Variants in BACH2 observed in about 807,000 individuals in gnomAD.
The protein encoded by BACH2 is transcription regulator protein BACH2.
A neutral mutation model predicts 61.8 loss-of-function variants in BACH2; 5 were observed. That is an observed-to-expected ratio of 0.08 (90% CI 0.04 to 0.17). The LOEUF (loss-of-function observed/expected upper bound fraction) is 0.17. Among genes scored for constraint, BACH2 ranks in the 10% least tolerant of loss-of-function variants. The probability of loss-of-function intolerance (pLI) is 1.00; values close to 1 mark genes in which losing one functional copy is unlikely to be tolerated. For synonymous variants in BACH2, 446 were observed against 440.1 expected (o/e 1.01, Z -0.17); for missense variants, 824 against 1,091.1 (o/e 0.76, Z 3.45).
chr6:90,288,815 C>A (rs1039457765), intron 1 of BACH2, among the ~76,000 whole-genome samples: 1 of 152,106 alleles, frequency 6.6e-6, no homozygotes, highest in East Asian at 1.9e-4. Flanking sequence ...TACTCTACCT[C>A]TTACAGGTAT....
Position 89,950,549 on chromosome 6 carries a change from A to AGTCCTG in BACH2, c.1551_1556dup (p.Arg518_Thr519dup). ...AGGAATAGGAAGAGCAGGAGCTGGA[A>AGTCCTG]GTCCTGGTCCTGGTCTCCAAGGGGG... On this transcript the variant is annotated inframe_insertion, in exon 7 of 9. Transcript: ENST00000257749. The surrounding 1 kb of genome is among the most constrained non-coding windows in gnomAD (Gnocchi z 5.3). The AGTCCTG allele has an allele frequency of 6.2e-7, 1 of 1,611,450 alleles. No homozygotes were observed.
At chr6:90,262,550 T>C (rs1037978940) in intron 2 of BACH2, among the ~76,000 whole-genome samples, 3 of 152,150 alleles carry the variant, frequency 2.0e-5, no homozygotes, top group African/African-American at 7.2e-5. Flanking sequence ...GTTTACTGAC[T>C]GAAAGAATGA....
intron 5 of BACH2, among the ~76,000 whole-genome samples, chr6:90,064,368 G>C (rs1780836261): frequency 6.6e-6 from 1 of 152,214 alleles, no homozygotes; most frequent in Non-Finnish European, 1.5e-5. Context: ...AAGGACAAGT[G>C]AGGCATGGAC....
intron 5 of BACH2, among the ~76,000 whole-genome samples, chr6:90,071,990 G>A (rs147519477): frequency 6.6e-6 from 1 of 152,120 alleles, no homozygotes; most frequent in African/African-American, 2.4e-5. Flanking sequence ...TGTCTCAGGG[G>A]TGGCAGAGGC....
intron 6 of BACH2, among the ~76,000 whole-genome samples, chr6:89,984,580 A>G (rs962705022): frequency 1.1e-4 from 16 of 152,136 alleles, no homozygotes; most frequent in Non-Finnish European, 1.6e-4. Flanking sequence ...CTGAACCCTA[A>G]AAGCCTATTC....
At chr6:90,044,537 C>T (rs551072406) in intron 5 of BACH2, among the ~76,000 whole-genome samples, 2 of 152,316 alleles carry the variant, frequency 1.3e-5, no homozygotes, top group African/African-American at 4.8e-5. Flanking sequence ...CTGATTTACA[C>T]TTTAAAAGAT....
intron 4 of BACH2, among the ~76,000 whole-genome samples, chr6:90,168,713 G>GA (rs565516877): frequency 1.5e-4 from 23 of 148,984 alleles, no homozygotes; most frequent in Non-Finnish European, 2.8e-4. Context: ...TTTAGCAGCT[G>GA]AAAAAAAAAC....
intron 4 of BACH2, among the ~76,000 whole-genome samples, chr6:90,136,154 A>C (rs1784264045): frequency 6.6e-6 from 1 of 152,050 alleles, no homozygotes; most frequent in Admixed American, 6.5e-5. Context: ...CTGTGCTGTG[A>C]CTCTGCGCTG....
chr6:90,290,317 AT>A (rs1278354236), intron 1 of BACH2, among the ~76,000 whole-genome samples: 1 of 152,220 alleles, frequency 6.6e-6, no homozygotes, highest in African/African-American at 2.4e-5. Flanking sequence ...GCAGTGGGTT[AT>A]CTGTTACTAA....
rs947443300 is a variant in BACH2, at chr6:90,083,851, A to T, written c.-13+5110T>A. Among the ~76,000 whole-genome samples, 3 of 152,176 alleles carry T rather than the reference A, an allele frequency of 2.0e-5. No homozygotes were observed. The East Asian group carries it at 5.8e-4, about 29-fold the overall frequency. On this transcript the variant is annotated intron_variant, in intron 5 of 8. Transcript: ENST00000257749. ...AATTAGACTATTTGAGGACAAGAAT[A>T]TTTTTTATTATTTTGATTTTCTGGT...
At chr6:90,229,470 A>G (rs6933034) in intron 3 of BACH2, among the ~76,000 whole-genome samples, 31 of 140,438 alleles carry the variant, frequency 2.2e-4, no homozygotes, top group Admixed American at 1.0e-3. Flanking sequence ...AAAAAAAAAA[A>G]GAAAAAAAAA....
At chr6:90,239,414 G>T (rs746820125) in intron 3 of BACH2, among the ~76,000 whole-genome samples, 17 of 152,162 alleles carry the variant, frequency 1.1e-4, no homozygotes, top group Non-Finnish European at 2.1e-4. Context: ...AGGTCAACTA[G>T]AAAACAAGCG....
chr6:90,088,136 T>A (rs1045974821), intron 5 of BACH2, among the ~76,000 whole-genome samples: 2 of 152,158 alleles, frequency 1.3e-5, no homozygotes, highest in African/African-American at 4.8e-5. Context: ...GAACATGTGA[T>A]GTTTGCCTTT....
rs568939852 is a variant in BACH2, at chr6:90,238,404, T to C, written c.-275+14109A>G. Among the ~76,000 whole-genome samples, 15 of 152,362 alleles carry C rather than the reference T, an allele frequency of 9.8e-5. No individual in the cohort carries two copies. The East Asian group carries it at 2.7e-3, about 27-fold the overall frequency. ...TGATAAAATATTAAATTTCTTAGAG[T>C]ATTTGCATATACAGATAGCGCAACT... On this transcript the variant is annotated intron_variant, in intron 3 of 8. Coordinates refer to ENST00000257749, the MANE Select transcript of BACH2 (RefSeq NM_021813.4).
At chr6:89,979,537 C>G (rs74608657) in intron 6 of BACH2, among the ~76,000 whole-genome samples, 2,828 of 152,276 alleles carry the variant, frequency 0.019, 81 homozygotes, top group African/African-American at 0.06. Flanking sequence ...CATTTCCCAT[C>G]TACTGAAATT....
chr6:90,168,566 G>C (rs927151231), intron 4 of BACH2, among the ~76,000 whole-genome samples: 6 of 152,136 alleles, frequency 3.9e-5, no homozygotes, highest in Admixed American at 1.3e-4. Flanking sequence ...CTGTATTAGA[G>C]GTTCCCAAAT....
chr6:90,158,519 A>G (rs543317349), intron 4 of BACH2, among the ~76,000 whole-genome samples: 3 of 152,212 alleles, frequency 2.0e-5, no homozygotes, highest in Non-Finnish European at 2.9e-5. Context: ...AAAATAATTA[A>G]AGAGGCCAAG....
At chr6:90,169,422 G>T (rs138874881) in intron 4 of BACH2, among the ~76,000 whole-genome samples, 1 of 152,144 alleles carries the variant, frequency 6.6e-6, no homozygotes, top group Non-Finnish European at 1.5e-5. Context: ...CTCCTATTCT[G>T]ACCCCCTCCC....
chr6:89,982,615 A>T (rs1776021479), intron 6 of BACH2, among the ~76,000 whole-genome samples: 1 of 152,210 alleles, frequency 6.6e-6, no homozygotes, highest in Non-Finnish European at 1.5e-5. Context: ...GTACGTTCGG[A>T]TATCACTCCA....
Sources: gnomAD v4.1 joint callset for allele counts (sites outside exome capture counted in the v4.1 genomes callset) on GRCh38, gnomAD v4.1.1 for gene constraint, Gnocchi (gnomAD v3.1) non-coding constraint, MANE v1.5 for transcripts, NCBI Gene and HGNC (gene_info 2026-07-23, HGNC 2026-07-21) for gene names.